The following TOGARAM2 variants were observed in gnomAD, a reference collection of about 807,000 sequenced individuals.
The protein encoded by TOGARAM2 is TOG array regulator of axonemal microtubules 2, also known as TOG array regulator of axonemal microtubules protein 2.
A neutral mutation model predicts 93.3 loss-of-function variants in TOGARAM2; 85 were observed. The observed-to-expected ratio is 0.91, with a 90% CI of 0.76 to 1.09. TOGARAM2 has a LOEUF of 1.09. TOGARAM2 is among the 50% of genes least tolerant of loss of function. The probability of loss-of-function intolerance (pLI) is 0.00; values close to 1 mark genes in which losing one functional copy is unlikely to be tolerated. For missense variants in TOGARAM2, 1,277 were observed against 1,334.5 expected, an observed-to-expected ratio of 0.96 and a Z score of 0.67; for synonymous variants, 593 against 552.8, an observed-to-expected ratio of 1.07 and a Z score of -1.02.
intron 6 of TOGARAM2, among the ~76,000 whole-genome samples, chr2:29,005,854 G>A (rs1663734203): frequency 1.3e-5 from 2 of 150,790 alleles, no homozygotes. Context: ...GTGCATGTGT[G>A]TGCATATGTG....
chr2:29,047,132 GT>G (rs1666792648), intron 19 of TOGARAM2: 1 of 152,488 alleles, frequency 6.6e-6, no homozygotes, highest in Admixed American at 6.5e-5. Context: ...CTCTATGCAG[GT>G]TCTGTCCTTC....
intron 18 of TOGARAM2, among the ~76,000 whole-genome samples, chr2:29,037,129 G>A (rs192093264): frequency 1.0e-3 from 157 of 152,258 alleles, no homozygotes; most frequent in Middle Eastern, 0.01. Flanking sequence ...GGGCAGGGAG[G>A]GAAAGTGGAG....
At position 29,036,658 on chromosome 2, in the gene TOGARAM2, C is replaced by T. The variant is rs1317375032; in HGVS notation, c.2536C>T (p.Leu846Phe). The T allele has an allele frequency of 6.2e-7, 1 of 1,613,996 alleles. No homozygotes were observed. The highest frequency in any genetic ancestry group is 8.5e-7 in the Non-Finnish European group (1 of 1,179,894). Residue 846 changes from leucine to phenylalanine, a missense_variant, in exon 18 of 20, where the codon CTC becomes TTC. Physicochemically the swap from Leu to Phe is conservative, Grantham distance 22 (BLOSUM62 0). Transcript: ENST00000379558. ...LLRESLHPML[L>F]SIIITVADNL... ...CAGAGAGAGCTTACACCCCATGCTG[C>T]TCTCCATCATCATCACTGTTGCAGA...
intron 1 of TOGARAM2, among the ~76,000 whole-genome samples, chr2:28,970,764 T>G (rs1671938526): frequency 6.6e-6 from 1 of 152,194 alleles, no homozygotes; most frequent in African/African-American, 2.4e-5. Flanking sequence ...TGCATGTCTC[T>G]GTCTGACTGT....
At chr2:29,051,379 G>A in intron 19 of TOGARAM2, 1 of 165,094 alleles carries the variant, frequency 6.1e-6, no homozygotes, top group Non-Finnish European at 1.3e-5. Context: ...TGACACAGTT[G>A]ATGGGGGCAG....
chr2:29,038,113 C>T (rs1433731822), intron 18 of TOGARAM2, among the ~76,000 whole-genome samples: 7 of 152,158 alleles, frequency 4.6e-5, no homozygotes, highest in African/African-American at 1.7e-4. Context: ...ATTCAGGTCC[C>T]TCTTATTTGG....
upstream of TOGARAM2, chr2:28,956,586 G>C (rs12472404): frequency 0.26 from 39,643 of 151,958 alleles, 6,381 homozygotes; most frequent in East Asian, 0.78. This position sits in a 1 kb window ranked among gnomAD's most constrained non-coding sequence, Gnocchi z 4.5. Flanking sequence ...GAGAACCACT[G>C]CTGCCATTCC....
At chr2:29,005,400 AGTGT>A (rs933990438) in intron 6 of TOGARAM2, among the ~76,000 whole-genome samples, 1 of 54,500 alleles carries the variant, frequency 1.8e-5, no homozygotes, top group African/African-American at 6.1e-5. Context: ...ATGTATGTGG[AGTGT>A]GTGTGTGCGT....
At chr2:29,043,124 C>G (rs575027432) in intron 18 of TOGARAM2, among the ~76,000 whole-genome samples, 5 of 152,332 alleles carry the variant, frequency 3.3e-5, no homozygotes, top group Admixed American at 2.6e-4. Flanking sequence ...AGGTGCCATT[C>G]ATATGAAAAT....
upstream of TOGARAM2, among the ~76,000 whole-genome samples, chr2:28,977,016 TG>T (rs901825869): frequency 2.0e-5 from 3 of 151,266 alleles, no homozygotes; most frequent in South Asian, 2.1e-4. Context: ...CTTTTCTACC[TG>T]GGGGGGCGTG....
chr2:29,005,451 G>A (rs1038910456), intron 6 of TOGARAM2, among the ~76,000 whole-genome samples: 3 of 144,538 alleles, frequency 2.1e-5, no homozygotes, highest in African/African-American at 7.8e-5. Flanking sequence ...GCATGTATGT[G>A]AGAGCATGTG....
intron 11 of TOGARAM2, 34 bp downstream of exon 11, chr2:29,022,342 G>C (rs1665009549): frequency 6.2e-7 from 1 of 1,610,450 alleles, no homozygotes; most frequent in African/African-American, 1.3e-5. Context: ...GCTGTGTTCT[G>C]GCCGGAAGCA....
intron 1 of TOGARAM2, among the ~76,000 whole-genome samples, chr2:28,967,848 T>C (rs1671888485): frequency 7.3e-6 from 1 of 137,108 alleles, no homozygotes; most frequent in African/African-American, 2.7e-5. Flanking sequence ...TCTGTCGCTC[T>C]ATTGCCCAGG....
In TOGARAM2 at chr2:29,033,022, C is replaced by A. The variant is rs746205116; in HGVS notation, c.2101C>A (p.Gln701Lys). Residue 701 changes from glutamine to lysine, a missense_variant, in exon 15 of 20, where the codon CAG becomes AAG. Physicochemically the swap from Gln to Lys is moderately conservative, Grantham distance 53 (BLOSUM62 1). Transcript: ENST00000379558. ...LKQSLPSYDL[Q>K]KVMAAIKQQG... Reference sequence around the variant, plus strand: ...GCAATCTCTCCCATCTTACGACTTGCAGAAGGTCATGGCGGCCATTAAACA... The same window carrying A: ...GCAATCTCTCCCATCTTACGACTTGAAGAAGGTCATGGCGGCCATTAAACA... 6.2e-7 allele frequency: 1 copy of A among 1,613,756 alleles called. No individual in the cohort carries two copies. Among genetic ancestry groups the A allele is most frequent in the South Asian group, 1.1e-5 (1 of 90,968 alleles).
Position 28,981,437 on chromosome 2 carries a change from GC to G in TOGARAM2, c.-208del, listed in dbSNP as rs1269077408. On this transcript the variant is annotated 5_prime_UTR_variant, in exon 1 of 20. Transcript: ENST00000379558. ...GCCAGGGTGGGCCAGGCCTGGGGCT[GC>G]CCCGTCCTTGCCTCCCTGGGCCCAT... 4 of 152,430 alleles carry G rather than the reference GC, an allele frequency of 2.6e-5. No individual in the cohort carries two copies. The allele number at this position is 152,430 out of a possible 1,614,324, so 9.4% of individuals were successfully genotyped here.
chr2:29,027,012 G>A lies in TOGARAM2; in HGVS notation c.2012+1G>A. On this transcript the variant is annotated splice_donor_variant, in intron 14 of 19. Coordinates refer to ENST00000379558, the MANE Select transcript of TOGARAM2 (RefSeq NM_199280.4). LOFTEE classifies it high-confidence loss of function. ...CACAGGACTCCAACCAGGACACCAG[G>A]TAGGGCAGGGCCAGGGGCCTGGGGG... The A allele has an allele frequency of 6.4e-7, 1 of 1,556,244 alleles. No homozygotes were observed. The highest frequency in any genetic ancestry group is 8.7e-7 in the Non-Finnish European group (1 of 1,149,312).
chr2:29,016,410 G>A (rs929978310), intron 8 of TOGARAM2, among the ~76,000 whole-genome samples: 2 of 152,182 alleles, frequency 1.3e-5, no homozygotes, highest in African/African-American at 4.8e-5. Flanking sequence ...TTAGAGAAAT[G>A]GAAGTTAGAA....
chr2:28,991,039 TG>T (rs370028252), intron 1 of TOGARAM2, among the ~76,000 whole-genome samples: 16 of 139,438 alleles, frequency 1.1e-4, no homozygotes, highest in African/African-American at 4.3e-4. Flanking sequence ...TGTGTGTGTG[TG>T]GCTTTTCCCC....
intron 18 of TOGARAM2, among the ~76,000 whole-genome samples, chr2:29,042,230 G>C (rs1031310510): frequency 1.3e-5 from 2 of 152,254 alleles, no homozygotes; most frequent in African/African-American, 4.8e-5. Context: ...CCTGGGCATA[G>C]TGCTCTGGGG....
Sources: allele counts gnomAD v4.1 joint callset (sites outside exome capture counted in the v4.1 genomes callset), GRCh38; gene constraint gnomAD v4.1.1; non-coding constraint Gnocchi (gnomAD v3.1); transcripts MANE v1.5; gene names NCBI Gene and HGNC (gene_info 2026-07-23, HGNC 2026-07-21).